The following FAM228B variants were observed in gnomAD, a reference collection of about 807,000 sequenced individuals.
The protein encoded by FAM228B is family with sequence similarity 228 member B.
In FAM228B, 38 loss-of-function variants were observed where a neutral mutation model predicts 42.6. The observed-to-expected ratio is 0.89, with a 90% CI of 0.69 to 1.17. The LOEUF is 1.17. FAM228B is among the 50% of genes most tolerant of loss of function. The pLI is 0.00. For synonymous variants in FAM228B, 109 were observed against 122.3 expected (o/e 0.89, Z 0.72); for missense variants, 344 against 367.3 (o/e 0.94, Z 0.52).
At chr2:24,149,196 A>G (rs368790905) in intron 7 of FAM228B, among the ~76,000 whole-genome samples, 15 of 152,336 alleles carry the variant, frequency 9.8e-5, no homozygotes, top group African/African-American at 3.6e-4. Context: ...GGGAGTGCAG[A>G]TATCTTTTCA....
At chr2:24,161,200 C>T (rs1667276537) in intron 7 of FAM228B, among the ~76,000 whole-genome samples, 1 of 152,146 alleles carries the variant, frequency 6.6e-6, no homozygotes, top group Non-Finnish European at 1.5e-5. Context: ...CATCTCAGCA[C>T]TTTAGGAGGC....
At chr2:24,167,412 A>G (rs1430668121) in intron 9 of FAM228B, among the ~76,000 whole-genome samples, 6 of 151,024 alleles carry the variant, frequency 4.0e-5, no homozygotes, top group African/African-American at 1.4e-4. Context: ...TGCAATCATT[A>G]TAATACCGGA....
In FAM228B at chr2:24,090,733, C is replaced by T. The variant is rs568493136; in HGVS notation, c.-209-4408C>T. On this transcript the variant is annotated intron_variant, in intron 2 of 10. Transcript: ENST00000613899. Reference sequence around the variant, plus strand: ...AGAGGCCAAAAAGGCATTGATTAAACGTAGAAGCCATTCATTATAAAACCT... The same window carrying T: ...AGAGGCCAAAAAGGCATTGATTAAATGTAGAAGCCATTCATTATAAAACCT... 3.3e-5 allele frequency among the ~76,000 whole-genome samples: 5 copies of T among 152,176 alleles called. No homozygotes were observed. In the East Asian group the frequency reaches 5.8e-4, roughly 18 times the overall value.
chr2:24,121,939 A>T (rs1273295910), upstream of FAM228B, among the ~76,000 whole-genome samples: 1 of 152,228 alleles, frequency 6.6e-6, no homozygotes, highest in Non-Finnish European at 1.5e-5. Flanking sequence ...TTCTTTATAA[A>T]TTACCCAGCT....
chr2:24,146,892 T>A, intron 6 of FAM228B, 38 bp from the exon 7 acceptor site: 1 of 1,542,996 alleles, frequency 6.5e-7, no homozygotes, highest in Non-Finnish European at 8.8e-7. Context: ...GGCAGATGCA[T>A]TTAAGGATGT....
upstream of FAM228B, chr2:24,119,664 C>T: frequency 6.2e-7 from 1 of 1,611,534 alleles, no homozygotes; most frequent in Non-Finnish European, 8.5e-7. Context: ...GTCTTCACGA[C>T]AACCACACCA....
chr2:24,093,394 A>G (rs1004839475), intron 2 of FAM228B, among the ~76,000 whole-genome samples: 2 of 151,704 alleles, frequency 1.3e-5, no homozygotes, highest in African/African-American at 4.8e-5. Context: ...GAGTGAGAAC[A>G]TGCGCTATTT....
rs1429280567 is a variant in FAM228B, at chr2:24,084,712, G to C, written c.-210+3757G>C. ...CCCCAGCCCGACCCGGGTCCCCGGC[G>C]CCCGTATGAGTTACTTACTCCTGGC... is the stretch of plus-strand genomic sequence containing the variant. On this transcript the variant is annotated intron_variant, in intron 2 of 10. Transcript: ENST00000613899. The surrounding 1 kb of genome is among the most constrained non-coding windows in gnomAD (Gnocchi z 8.4). 3 of 172,860 alleles carry C rather than the reference G, an allele frequency of 1.7e-5. No homozygotes were observed. Among genetic ancestry groups the C allele is most frequent in the African/African-American group, 7.1e-5 (3 of 42,086 alleles). The allele number at this position is 172,860 out of a possible 1,614,324, so 10.7% of individuals were successfully genotyped here. A position where few individuals can be genotyped will look rare whatever the true frequency, so the allele number is the denominator to read the frequency against.
intron 4 of FAM228B, among the ~76,000 whole-genome samples, chr2:24,138,603 G>T (rs1666664013): frequency 6.6e-6 from 1 of 151,504 alleles, no homozygotes; most frequent in African/African-American, 2.4e-5. Context: ...CCAAAGTGCT[G>T]GGATTACAGG....
chr2:24,160,443 C>T (rs1028973900), intron 7 of FAM228B, among the ~76,000 whole-genome samples: 1 of 152,056 alleles, frequency 6.6e-6, no homozygotes, highest in African/African-American at 2.4e-5. Flanking sequence ...CTTCTGGGCT[C>T]AGATTAGATA....
At chr2:24,165,456 C>A (rs558157677) in intron 9 of FAM228B, 2 of 471,058 alleles carry the variant, frequency 4.2e-6, no homozygotes, top group Non-Finnish European at 8.8e-6. Context: ...CAGTCCCCTA[C>A]GTGATCTCCA....
intron 9 of FAM228B, among the ~76,000 whole-genome samples, chr2:24,164,875 T>G (rs1667367475): frequency 6.6e-6 from 1 of 152,142 alleles, no homozygotes; most frequent in East Asian, 1.9e-4. Context: ...CGGCACCTTG[T>G]GACTCCTGGA....
chr2:24,165,859 T>C (rs1667390856), intron 9 of FAM228B: 1 of 172,796 alleles, frequency 5.8e-6, no homozygotes, highest in Admixed American at 5.7e-5. Flanking sequence ...CTGATCAACA[T>C]GGAGAAACCC....
chr2:24,155,583 CAGGTT>C (rs1280198066), intron 7 of FAM228B, among the ~76,000 whole-genome samples: 2 of 117,916 alleles, frequency 1.7e-5, no homozygotes, highest in African/African-American at 6.8e-5. Context: ...GCCTGTTGCT[CAGGTT>C]GGATTGCAGT....
chr2:24,138,059 C>T lies in FAM228B; in HGVS notation c.319C>T (p.Gln107Ter). The change falls in exon 4 of 11, where the codon CAA becomes TAA. Residue 107 changes from glutamine to a stop codon, truncating the protein, a stop_gained. Transcript: ENST00000615575. LOFTEE classifies it high-confidence loss of function. Reference protein sequence around the residue: ...CSHKKIKKRRQGELDGFLKHV... With the variant: ...CSHKKIKKRR ...ACATAAGAAGATTAAAAAAAGGAGGCAAGGGGAATTAGATGGCTTTTTAAA... is the reference window on the plus strand; with the variant it reads ...ACATAAGAAGATTAAAAAAAGGAGGTAAGGGGAATTAGATGGCTTTTTAAA... The T allele has an allele frequency of 6.5e-7, 1 of 1,538,858 alleles. No homozygotes were observed. The highest frequency in any genetic ancestry group is 8.7e-7 in the Non-Finnish European group (1 of 1,144,130).
At chr2:24,114,373 T>C (rs974157471) in intron 3 of FAM228B, among the ~76,000 whole-genome samples, 29 of 152,152 alleles carry the variant, frequency 1.9e-4, no homozygotes, top group African/African-American at 6.3e-4. Context: ...CCAGTAGCCA[T>C]GTCTATACTT....
chr2:24,121,433 A>G (rs1573753703), upstream of FAM228B: 21 of 806,490 alleles, frequency 2.6e-5, no homozygotes, highest in East Asian at 5.6e-4. Flanking sequence ...TTGGGGAAAA[A>G]AAATCAAAAG....
chr2:24,089,114 TGA>T (rs1665329599), intron 2 of FAM228B, among the ~76,000 whole-genome samples: 1 of 152,132 alleles, frequency 6.6e-6, no homozygotes, highest in Non-Finnish European at 1.5e-5. Flanking sequence ...TTTGGGAGGC[TGA>T]GAGGGGTGGA....
chr2:24,146,740 T>G lies in FAM228B; in HGVS notation c.442-8T>G. On this transcript the variant is annotated splice_polypyrimidine_tract_variant and splice_region_variant and intron_variant, in intron 5 of 10. Transcript: ENST00000615575. ...AACTCAGTGCTTAAACAAGTGCCTCTCTTGTAGGTTACCATCCCACCATTT... is the reference window on the plus strand; with the variant it reads ...AACTCAGTGCTTAAACAAGTGCCTCGCTTGTAGGTTACCATCCCACCATTT... 1 of 1,541,060 alleles carries G rather than the reference T, an allele frequency of 6.5e-7. No individual in the cohort carries two copies. The highest frequency in any genetic ancestry group is 1.2e-5 in the South Asian group (1 of 83,198).
Sources: gnomAD v4.1 joint callset for allele counts (sites outside exome capture counted in the v4.1 genomes callset) on GRCh38, gnomAD v4.1.1 for gene constraint, Gnocchi (gnomAD v3.1) non-coding constraint, MANE v1.5 for transcripts, NCBI Gene and HGNC (gene_info 2026-07-23, HGNC 2026-07-21) for gene names.